Variants in SNTG1 observed in about 807,000 individuals in gnomAD.
SNTG1 encodes the protein syntrophin gamma 1.
SNTG1 carries 39 observed loss-of-function variants against 74.7 expected under a neutral mutation model. The ratio of observed to expected loss-of-function variants is 0.52; its 90% confidence interval spans 0.40 to 0.68. The LOEUF (loss-of-function observed/expected upper bound fraction) is 0.68. Among genes scored for constraint, SNTG1 ranks in the 30% least tolerant of loss-of-function variants. The pLI is 0.00. For missense variants in SNTG1, 685 were observed against 609.5 expected (o/e 1.12, Z -1.30); for synonymous variants, 254 against 217.1 (o/e 1.17, Z -1.49).
At chr8:50,578,492 A>C (rs1011423907) in intron 12 of SNTG1, among the ~76,000 whole-genome samples, 41 of 152,284 alleles carry the variant, frequency 2.7e-4, no homozygotes, top group African/African-American at 9.9e-4. Context: ...AAAATAAAAC[A>C]GGGATGAACT....
intron 2 of SNTG1, among the ~76,000 whole-genome samples, chr8:50,393,724 A>G (rs2092692076): frequency 6.6e-6 from 1 of 152,224 alleles, no homozygotes. Context: ...CATATTGTGA[A>G]TAAAATTTTA....
chr8:50,553,983 G>C (rs1424917709), intron 12 of SNTG1, among the ~76,000 whole-genome samples: 1 of 152,076 alleles, frequency 6.6e-6, no homozygotes, highest in Non-Finnish European at 1.5e-5. Flanking sequence ...AGTCCTAAGG[G>C]AGATCAGGAG....
At position 50,320,662 on chromosome 8, in the gene SNTG1, T is replaced by C. The variant is rs976259871; in HGVS notation, c.-27-73550T>C. 1.9e-4 allele frequency among the ~76,000 whole-genome samples: 29 copies of C among 152,192 alleles called. 1 individual carries two copies. Among genetic ancestry groups the C allele is most frequent in the Admixed American group, 1.7e-3 (26 of 15,286 alleles). On this transcript the variant is annotated intron_variant, in intron 2 of 18. Transcript: ENST00000642720. ...TGTAGGCACTTGTAGCTATAAATTT[T>C]TATCTTTGAACTGTATTTGCTGTAT... is the stretch of plus-strand genomic sequence containing the variant.
At chr8:50,208,856 C>T in intron 2 of SNTG1, among the ~76,000 whole-genome samples, 1 of 152,128 alleles carries the variant, frequency 6.6e-6, no homozygotes, top group East Asian at 1.9e-4. Context: ...GTGATTTCTG[C>T]ATTTCCAAGT....
At chr8:49,973,369 G>T (rs1349622618) in intron 1 of SNTG1, among the ~76,000 whole-genome samples, 1 of 151,926 alleles carries the variant, frequency 6.6e-6, no homozygotes, top group African/African-American at 2.4e-5. Flanking sequence ...GTTGTGGGGT[G>T]GGGGGAAGGG....
At chr8:50,532,257 T>C (rs2094274836) in intron 10 of SNTG1, among the ~76,000 whole-genome samples, 1 of 152,148 alleles carries the variant, frequency 6.6e-6, no homozygotes, top group Non-Finnish European at 1.5e-5. Flanking sequence ...AAATAAAGTA[T>C]ATTCAAAATA....
At chr8:50,099,889 G>T (rs193297796) in intron 1 of SNTG1, among the ~76,000 whole-genome samples, 2 of 151,960 alleles carry the variant, frequency 1.3e-5, no homozygotes, top group Non-Finnish European at 2.9e-5. Context: ...TTAATTCCTT[G>T]TTGGATGAAA....
intron 4 of SNTG1, among the ~76,000 whole-genome samples, chr8:50,420,829 A>G (rs1258700351): frequency 2.6e-5 from 4 of 151,830 alleles, no homozygotes; most frequent in Non-Finnish European, 4.4e-5. Context: ...GATCAAGACC[A>G]TCTTGGCCAA....
intron 4 of SNTG1, among the ~76,000 whole-genome samples, chr8:50,410,791 A>G (rs1344584251): frequency 6.6e-6 from 1 of 152,090 alleles, no homozygotes; most frequent in Non-Finnish European, 1.5e-5. Flanking sequence ...GACTTATTTC[A>G]CTAAGCATAA....
At chr8:50,179,570 C>G (rs1425069521) in intron 2 of SNTG1, among the ~76,000 whole-genome samples, 4 of 152,060 alleles carry the variant, frequency 2.6e-5, no homozygotes, top group Non-Finnish European at 4.4e-5. Context: ...AATACATAAG[C>G]AGTTCCCACA....
Position 50,117,777 on chromosome 8 carries a change from C to T in SNTG1, c.-102-54784C>T, listed in dbSNP as rs150200083. Among the ~76,000 whole-genome samples, 552 of 152,184 alleles carry T rather than the reference C, an allele frequency of 3.6e-3. 1 individual carries two copies. The highest frequency in any genetic ancestry group is 6.8e-3 in the Middle Eastern group (2 of 294). ...AAGCATGTACTAGCAACTGAAAAGTCCCAGGAACTAGGAGGAAGCCAACAT... is the reference window on the plus strand; with the variant it reads ...AAGCATGTACTAGCAACTGAAAAGTTCCAGGAACTAGGAGGAAGCCAACAT... On this transcript the variant is annotated intron_variant, in intron 1 of 18. Transcript: ENST00000642720.
intron 1 of SNTG1, among the ~76,000 whole-genome samples, chr8:50,002,744 A>G (rs1323539149): frequency 6.6e-6 from 1 of 152,162 alleles, no homozygotes; most frequent in African/African-American, 2.4e-5. Context: ...CAATTTTGTT[A>G]CAAATATATA....
chr8:50,247,363 T>C (rs1586832562), intron 2 of SNTG1, among the ~76,000 whole-genome samples: 1 of 152,280 alleles, frequency 6.6e-6, no homozygotes, highest in African/African-American at 2.4e-5. Flanking sequence ...GCTTCAGATT[T>C]AGCAGAATTC....
chr8:50,063,703 CT>C (rs888864091), intron 1 of SNTG1, among the ~76,000 whole-genome samples: 140 of 145,806 alleles, frequency 9.6e-4, no homozygotes, highest in South Asian at 2.0e-3. Context: ...GAAACCATTG[CT>C]TTTTTTTTTT....
chr8:50,030,996 T>C (rs1309640564), intron 1 of SNTG1, among the ~76,000 whole-genome samples: 5 of 151,976 alleles, frequency 3.3e-5, no homozygotes, highest in African/African-American at 1.2e-4. Flanking sequence ...TTAGTTCTTA[T>C]TTGATTTTGG....
intron 2 of SNTG1, among the ~76,000 whole-genome samples, chr8:50,322,132 CT>C (rs2090557323): frequency 6.6e-6 from 1 of 150,644 alleles, no homozygotes. Flanking sequence ...TATTATTATA[CT>C]TTAAGTTTTA....
intron 2 of SNTG1, among the ~76,000 whole-genome samples, chr8:50,308,824 T>A (rs977989267): frequency 2.0e-5 from 3 of 152,248 alleles, no homozygotes; most frequent in Non-Finnish European, 4.4e-5. Flanking sequence ...TAGACATTTT[T>A]GTTCTTGCTA....
intron 17 of SNTG1, among the ~76,000 whole-genome samples, chr8:50,751,530 G>A (rs1024785820): frequency 3.9e-5 from 6 of 152,098 alleles, no homozygotes; most frequent in Non-Finnish European, 7.4e-5. Context: ...GCAGATGATG[G>A]CTCTATAAAA....
chr8:50,090,387 C>T (rs1199538736), intron 1 of SNTG1, among the ~76,000 whole-genome samples: 2 of 152,068 alleles, frequency 1.3e-5, no homozygotes, highest in Non-Finnish European at 2.9e-5. Flanking sequence ...TTTCTCTTCT[C>T]TTTCTCTGGA....
Sources: gnomAD v4.1 joint callset for allele counts (sites outside exome capture counted in the v4.1 genomes callset) on GRCh38, gnomAD v4.1.1 for gene constraint, MANE v1.5 for transcripts, NCBI Gene and HGNC (gene_info 2026-07-23, HGNC 2026-07-21) for gene names.